The following FAT3 variants were observed in gnomAD, a reference collection of about 807,000 sequenced individuals.
The protein encoded by FAT3 is protocadherin Fat 3.
In FAT3, 95 loss-of-function variants were observed where a neutral mutation model predicts 310.2. That is an observed-to-expected ratio of 0.31 (90% CI 0.26 to 0.36). FAT3 has a LOEUF of 0.36. Ranked by LOEUF, FAT3 falls within the 10% of genes least tolerant of loss-of-function variation. The pLI is 1.00. For synonymous variants in FAT3, 2,314 were observed against 2,192.9 expected (o/e 1.06, Z -1.54); for missense variants, 5,408 against 5,715.6 (o/e 0.95, Z 1.74).
At chr11:92,602,820 T>G (rs913666352) in intron 3 of FAT3, among the ~76,000 whole-genome samples, 28 of 152,192 alleles carry the variant, frequency 1.8e-4, no homozygotes, top group Non-Finnish European at 3.4e-4. Flanking sequence ...CCAAGAAGAA[T>G]AAAGTAGGGC....
chr11:92,495,125 T>C (rs1355456942), intron 2 of FAT3, among the ~76,000 whole-genome samples: 1 of 152,110 alleles, frequency 6.6e-6, no homozygotes, highest in Non-Finnish European at 1.5e-5. Context: ...TGTTTAATAA[T>C]AAATTATTGT....
intron 1 of FAT3, among the ~76,000 whole-genome samples, chr11:92,291,225 A>G (rs755709261): frequency 1.3e-5 from 2 of 152,028 alleles, no homozygotes; most frequent in African/African-American, 2.4e-5. Context: ...TAGGCGGCAG[A>G]GTCAAGGTGC....
At chr11:92,329,039 C>T (rs1033081774) in intron 1 of FAT3, among the ~76,000 whole-genome samples, 1 of 151,944 alleles carries the variant, frequency 6.6e-6, no homozygotes, top group Admixed American at 6.6e-5. Flanking sequence ...TACTATCTTT[C>T]TCTTTCACTA....
At chr11:92,884,603 G>A (rs1165296991) in intron 24 of FAT3, among the ~76,000 whole-genome samples, 2 of 152,190 alleles carry the variant, frequency 1.3e-5, no homozygotes, top group Non-Finnish European at 2.9e-5. Flanking sequence ...GAGACCATGG[G>A]CAGCCAGGGA....
chr11:92,807,905 C>T (rs147453984), intron 12 of FAT3, among the ~76,000 whole-genome samples: 10 of 152,230 alleles, frequency 6.6e-5, no homozygotes, highest in Admixed American at 2.0e-4. Context: ...TAAATTTAAG[C>T]GTAAAGATTG....
At chr11:92,614,927 A>G (rs987099711) in intron 3 of FAT3, among the ~76,000 whole-genome samples, 3 of 152,278 alleles carry the variant, frequency 2.0e-5, no homozygotes, top group Non-Finnish European at 4.4e-5. Flanking sequence ...TTTTATGGCT[A>G]TCCAGTTGTC....
At chr11:92,439,227 T>G (rs955766928) in intron 2 of FAT3, among the ~76,000 whole-genome samples, 4 of 151,768 alleles carry the variant, frequency 2.6e-5, no homozygotes, top group Admixed American at 6.5e-5. Flanking sequence ...AAACCCACAA[T>G]TTTTAATGCT....
Position 92,756,916 on chromosome 11 carries a change from ATTT to A in FAT3, c.3670-4916_3670-4914del, listed in dbSNP as rs34317439. ...AGACCAATGAACTATTTGTGGCTCC[ATTT>A]TTTTTTTTTTTTTTTTTTTTTTTAG... On this transcript the variant is annotated intron_variant, in intron 4 of 27. Coordinates refer to ENST00000525166, the MANE Select transcript of FAT3 (RefSeq NM_001367949.2). Among the ~76,000 whole-genome samples the A allele has an allele frequency of 1.2e-3, 112 of 90,286 alleles. 1 individual carries two copies. Among genetic ancestry groups the A allele is most frequent in the African/African-American group, 4.8e-3 (101 of 20,852 alleles). 59.2% of individuals were successfully genotyped at this position (90,286 alleles called of 152,430 possible).
chr11:92,751,811 AC>A (rs1174991109), intron 4 of FAT3, among the ~76,000 whole-genome samples: 2 of 152,228 alleles, frequency 1.3e-5, no homozygotes, highest in East Asian at 3.9e-4. Context: ...GGAAAAGAGC[AC>A]GTGCTGCCAC....
intron 3 of FAT3, among the ~76,000 whole-genome samples, chr11:92,567,967 A>G (rs1297547162): frequency 1.3e-5 from 2 of 152,016 alleles, no homozygotes; most frequent in African/African-American, 2.4e-5. Context: ...GGTGCAGTGC[A>G]CCCGCATGGC....
chr11:92,593,049 C>G (rs1029324665), intron 3 of FAT3, among the ~76,000 whole-genome samples: 1 of 152,136 alleles, frequency 6.6e-6, no homozygotes, highest in African/African-American at 2.4e-5. Context: ...TGTTAGTGGA[C>G]TCATACAGCA....
At chr11:92,641,895 C>T (rs1276922622) in intron 3 of FAT3, among the ~76,000 whole-genome samples, 1 of 152,182 alleles carries the variant, frequency 6.6e-6, no homozygotes, top group East Asian at 1.9e-4. Context: ...TTCTTAATAG[C>T]TGAAAAAGTA....
intron 3 of FAT3, among the ~76,000 whole-genome samples, chr11:92,551,940 A>G (rs1954835501): frequency 6.6e-6 from 1 of 152,234 alleles, no homozygotes; most frequent in East Asian, 1.9e-4. Flanking sequence ...TGCCTTTGGT[A>G]TGCTCAGATA....
At chr11:92,344,800 A>G (rs1440694530) in intron 1 of FAT3, among the ~76,000 whole-genome samples, 1 of 152,078 alleles carries the variant, frequency 6.6e-6, no homozygotes, top group Non-Finnish European at 1.5e-5. Context: ...ATCCCGATTG[A>G]TGGCAATCGG....
At chr11:92,256,277 G>A (rs1032539090) in intron 1 of FAT3, among the ~76,000 whole-genome samples, 1 of 151,668 alleles carries the variant, frequency 6.6e-6, no homozygotes, top group Non-Finnish European at 1.5e-5. Flanking sequence ...CCTTAAACGA[G>A]TATACACTAT....
intron 1 of FAT3, among the ~76,000 whole-genome samples, chr11:92,280,933 C>A (rs1946402225): frequency 6.6e-6 from 1 of 152,120 alleles, no homozygotes; most frequent in Admixed American, 6.6e-5. Context: ...TTCTTAAAAT[C>A]TAGGTTCTCT....
chr11:92,296,627 G>A (rs1328077090), intron 1 of FAT3, among the ~76,000 whole-genome samples: 1 of 151,984 alleles, frequency 6.6e-6, no homozygotes, highest in Non-Finnish European at 1.5e-5. Context: ...ATGGGTTTTT[G>A]ACAATCAGTG....
At position 92,229,490 on chromosome 11, in the gene FAT3, G is replaced by GTTT; in HGVS notation, c.-18+4317_-18+4318insTTT. Among the ~76,000 whole-genome samples the GTTT allele has an allele frequency of 4.0e-3, 188 of 46,820 alleles. 44 individuals are homozygous for GTTT. Among genetic ancestry groups the GTTT allele is most frequent in the African/African-American group, 8.3e-3 (109 of 13,112 alleles). 30.7% of individuals were successfully genotyped at this position (46,820 alleles called of 152,430 possible). On this transcript the variant is annotated intron_variant, in intron 1 of 27. Transcript: ENST00000525166. ...CCTTGTTTTCTTTTTTTGTTTTTTC[G>GTTT]TGTTTTTTTTTTTTTTGTTTTTTGT...
At chr11:92,317,182 A>G (rs1229404923) in intron 1 of FAT3, among the ~76,000 whole-genome samples, 1 of 152,230 alleles carries the variant, frequency 6.6e-6, no homozygotes, top group Non-Finnish European at 1.5e-5. Flanking sequence ...ATGGATGATT[A>G]AAATATTTCT....
Sources: gnomAD v4.1 joint callset for allele counts (sites outside exome capture counted in the v4.1 genomes callset) on GRCh38, gnomAD v4.1.1 for gene constraint, MANE v1.5 for transcripts, NCBI Gene and HGNC (gene_info 2026-07-23, HGNC 2026-07-21) for gene names.